Variants in WNT7B observed in about 807,000 individuals in gnomAD.
WNT7B encodes the protein Wnt family member 7B, also known as protein Wnt-7b.
A neutral mutation model predicts 38.2 loss-of-function variants in WNT7B; 19 were observed. The observed-to-expected ratio is 0.50, with a 90% CI of 0.35 to 0.73. The LOEUF is 0.73. Among genes scored for constraint, WNT7B ranks in the 30% least tolerant of loss-of-function variants. WNT7B has a pLI of 0.01. For missense variants in WNT7B, 423 were observed against 507.9 expected (o/e 0.83, Z 1.61); for synonymous variants, 243 against 209.3 (o/e 1.16, Z -1.39).
chr22:45,935,569 C>T (rs1015280125), intron 2 of WNT7B, among the ~76,000 whole-genome samples: 7 of 152,208 alleles, frequency 4.6e-5, no homozygotes, highest in Admixed American at 1.3e-4. Flanking sequence ...CCCCGAATGC[C>T]CTCTGTAGTG....
At chr22:45,941,510 A>AT (rs1931647351) in intron 2 of WNT7B, among the ~76,000 whole-genome samples, 1 of 99,800 alleles carries the variant, frequency 1.0e-5, no homozygotes, top group Admixed American at 8.5e-5. Flanking sequence ...CCTTTGTCTC[A>AT]AAAAAAAAAA....
Position 45,976,721 on chromosome 22 carries a change from C to A in WNT7B, c.34G>T (p.Val12Leu), listed in dbSNP as rs1405500986. The change falls in exon 1 of 4, where the codon GTG (valine) becomes TTG (leucine). Residue 12 changes from valine to leucine, a missense_variant. Val to Leu is a conservative substitution (Grantham distance 32, BLOSUM62 1). This residue lies in a region of WNT7B where 133 missense variants were observed against 179.8 expected (regional missense o/e 0.74). Transcript: ENST00000339464. The surrounding 1 kb of genome is among the most constrained non-coding windows in gnomAD (Gnocchi z 8.5). Reference protein sequence around the residue: ...HRNFRKWIFYVFLCFGVLYVK... With the variant: ...HRNFRKWIFYLFLCFGVLYVK... ...TACAGGACGCCAAAGCAGAGAAACA[C>A]GTAGAAAATCCACTTGCGAAAGTTT... 1 of 1,610,230 alleles carries A rather than the reference C, an allele frequency of 6.2e-7. No homozygotes were observed. Among genetic ancestry groups the A allele is most frequent in the Non-Finnish European group, 8.5e-7 (1 of 1,177,850 alleles).
chr22:45,947,881 G>C (rs926987001), intron 2 of WNT7B, among the ~76,000 whole-genome samples: 1 of 152,178 alleles, frequency 6.6e-6, no homozygotes, highest in Admixed American at 6.5e-5. Context: ...AGCGCTCCCA[G>C]GATCGAGGAA....
At chr22:45,933,368 C>T (rs566803456) in intron 2 of WNT7B, among the ~76,000 whole-genome samples, 8 of 152,332 alleles carry the variant, frequency 5.3e-5, no homozygotes, top group African/African-American at 1.7e-4. Context: ...TGCCTACCCA[C>T]GCTGCCCGCT....
chr22:45,946,720 G>GC (rs1931805541), intron 2 of WNT7B, among the ~76,000 whole-genome samples: 1 of 152,208 alleles, frequency 6.6e-6, no homozygotes, highest in Non-Finnish European at 1.5e-5. Context: ...GGCAAAGCCA[G>GC]CACAGGGTCC....
At chr22:45,974,651 GGGGCCTGA>G (rs2146758363) in intron 1 of WNT7B, among the ~76,000 whole-genome samples, 1 of 152,250 alleles carries the variant, frequency 6.6e-6, no homozygotes, top group East Asian at 1.9e-4. Context: ...GGCCCTGGGT[GGGGCCTGA>G]GGGCAGAGCC....
intron 3 of WNT7B, 21 bp downstream of exon 3, chr22:45,931,077 C>CCAGCCG (rs773716654): frequency 5.2e-6 from 8 of 1,548,450 alleles, no homozygotes; most frequent in Non-Finnish European, 7.0e-6. Flanking sequence ...ACGGCCCCCA[C>CCAGCCG]CAGCCGCACC....
chr22:45,969,035 C>T (rs966197426), intron 1 of WNT7B, among the ~76,000 whole-genome samples: 2 of 152,226 alleles, frequency 1.3e-5, no homozygotes, highest in Non-Finnish European at 2.9e-5. Context: ...AGCCACGGGG[C>T]GCATCCTGTC....
chr22:45,944,262 G>C (rs1285115461), intron 2 of WNT7B, among the ~76,000 whole-genome samples: 1 of 152,224 alleles, frequency 6.6e-6, no homozygotes, highest in African/African-American at 2.4e-5. Context: ...TGGCCTCGGA[G>C]GGGCCATGTG....
chr22:45,933,996 G>A lies in WNT7B; in HGVS notation c.299-2627C>T, dbSNP rs575534687. 2.6e-3 allele frequency among the ~76,000 whole-genome samples: 397 copies of A among 152,332 alleles called. 1 individual carries two copies. The highest frequency in any genetic ancestry group is 4.4e-3 in the Non-Finnish European group (297 of 68,022). ...ATTCCGGAACATTCAGAGGCCGGTC[G>A]GCACCAGCAACAGCGTAGCCCACCC... On this transcript the variant is annotated intron_variant, in intron 2 of 3. Transcript: ENST00000339464.
chr22:45,922,952 G>A lies in WNT7B; in HGVS notation c.954C>T (p.Tyr318=), dbSNP rs1373739413. ...TGCAGTTGCACTGCCACACCTTGGT[G>A]TACTGGTGGGTGTTGTAGCCTCGGC... is the stretch of plus-strand genomic sequence containing the variant. The part of the protein sequence containing the change: ...CCGRGYNTHQ[Y]TKVWQCNCKF... Residue 318 remains tyrosine (Y), a synonymous_variant, in exon 4 of 4, where the codon TAC becomes TAT. Transcript: ENST00000339464. The A allele has an allele frequency of 3.1e-6, 5 of 1,613,460 alleles. No individual in the cohort carries two copies. The highest frequency in any genetic ancestry group is 1.7e-5 in the Admixed American group (1 of 60,030).
At chr22:45,933,424 G>A (rs1490221388) in intron 2 of WNT7B, among the ~76,000 whole-genome samples, 6 of 152,184 alleles carry the variant, frequency 3.9e-5, no homozygotes, top group African/African-American at 9.7e-5. Context: ...CCACTTCCCC[G>A]AGTCTAAATT....
At chr22:45,967,779 G>A (rs1198980160) in intron 1 of WNT7B, among the ~76,000 whole-genome samples, 3 of 152,186 alleles carry the variant, frequency 2.0e-5, no homozygotes, top group East Asian at 1.9e-4. Flanking sequence ...GGAGCCCAGG[G>A]AAGTGTGTGA....
intron 1 of WNT7B, among the ~76,000 whole-genome samples, chr22:45,971,485 C>T (rs1467169113): frequency 1.3e-5 from 2 of 152,218 alleles, no homozygotes; most frequent in African/African-American, 4.8e-5. Flanking sequence ...CCTTGCCGGG[C>T]ACACACACGC....
At chr22:45,969,217 C>T (rs1019196403) in intron 1 of WNT7B, among the ~76,000 whole-genome samples, 19 of 152,208 alleles carry the variant, frequency 1.2e-4, no homozygotes, top group Non-Finnish European at 1.9e-4. Flanking sequence ...CCCACCCTGC[C>T]ACAGCCAGGT....
At chr22:45,953,821 G>C (rs115205004) in intron 1 of WNT7B, among the ~76,000 whole-genome samples, 2 of 152,118 alleles carry the variant, frequency 1.3e-5, no homozygotes, top group African/African-American at 4.8e-5. Context: ...CGATAGGAGC[G>C]GACAATGGTA....
intron 2 of WNT7B, chr22:45,936,254 C>A: frequency 1.2e-6 from 1 of 837,348 alleles, no homozygotes; most frequent in Non-Finnish European, 1.4e-6. Context: ...AAAATCCTCA[C>A]CTTGCTGCAC....
intron 3 of WNT7B, 107 bp downstream of exon 3, chr22:45,930,991 C>T (rs372908568): frequency 2.2e-5 from 31 of 1,421,272 alleles, no homozygotes; most frequent in Middle Eastern, 2.6e-4. Context: ...TGCACACCTA[C>T]GGAGACTCAA....
rs1037048705 is a variant in WNT7B, at chr22:45,923,008, C to G, written c.898G>C (p.Gly300Arg). The G allele has an allele frequency of 6.2e-7, 1 of 1,612,974 alleles. No homozygotes were observed. Among genetic ancestry groups the G allele is most frequent in the East Asian group, 2.2e-5 (1 of 44,856 alleles). The change falls in exon 4 of 4, where the codon GGC becomes CGC. Residue 300 changes from glycine to arginine, a missense_variant. This residue lies in a region of WNT7B where 158 missense variants were observed against 214.7 expected (regional missense o/e 0.74). Transcript: ENST00000339464. The stretch of plus-strand genomic sequence containing the variant: ...CACATGGTGTCACAGCCGTCCGCGC[C>G]GGGCGACGTGCGGTTGCAGAGACGG... ...QGRLCNRTSP[G>R]ADGCDTMCCG... is the part of the protein sequence containing the mutation.
Sources: gnomAD v4.1 joint callset for allele counts (sites outside exome capture counted in the v4.1 genomes callset) on GRCh38, gnomAD v4.1.1 for gene constraint, gnomAD v4.1.1 regional missense constraint, Gnocchi (gnomAD v3.1) non-coding constraint, MANE v1.5 for transcripts, NCBI Gene and HGNC (gene_info 2026-07-23, HGNC 2026-07-21) for gene names.